The following ANKRD17 variants were observed in gnomAD, a reference collection of about 807,000 sequenced individuals.
ANKRD17 encodes the protein ankyrin repeat domain-containing protein 17.
A neutral mutation model predicts 229.7 loss-of-function variants in ANKRD17; 19 were observed. The observed-to-expected ratio is 0.08, with a 90% CI of 0.06 to 0.12. The LOEUF (loss-of-function observed/expected upper bound fraction) is 0.12, where lower values mean the gene tolerates loss of function less well. Among genes scored for constraint, ANKRD17 ranks in the 10% least tolerant of loss-of-function variants. The pLI, the probability that ANKRD17 is intolerant of heterozygous loss-of-function variation, is 1.00. For synonymous variants in ANKRD17, 1,112 were observed against 1,146.1 expected, an observed-to-expected ratio of 0.97 and a Z score of 0.60; for missense variants, 2,176 against 3,176.8, an observed-to-expected ratio of 0.68 and a Z score of 7.57.
At chr4:73,241,312 T>C (rs907752864) in intron 1 of ANKRD17, among the ~76,000 whole-genome samples, 1 of 151,942 alleles carries the variant, frequency 6.6e-6, no homozygotes, top group African/African-American at 2.4e-5. Flanking sequence ...AATAAATGAA[T>C]AAAATGTAAA....
intron 1 of ANKRD17, among the ~76,000 whole-genome samples, chr4:73,229,556 CA>C (rs955060799): frequency 6.7e-6 from 1 of 149,324 alleles, no homozygotes; most frequent in East Asian, 2.0e-4. Flanking sequence ...AAATCCTTAT[CA>C]AAAAAAACAC....
At position 73,113,772 on chromosome 4, in the gene ANKRD17, T is replaced by C. The variant is rs1263293070; in HGVS notation, c.4401+20A>G. ...GATGGAAAAAAGTGGGTAGTTTTCA[T>C]GTGTAAAGATTATTGTTACCTTTTC... On this transcript the variant is annotated intron_variant, in intron 24 of 33. Transcript: ENST00000358602. 26 of 1,560,158 alleles carry C rather than the reference T, an allele frequency of 1.7e-5. No individual in the cohort carries two copies. The highest frequency in any genetic ancestry group is 2.2e-5 in the Non-Finnish European group (25 of 1,132,522).
chr4:73,163,477 A>G (rs1385421457), intron 2 of ANKRD17, among the ~76,000 whole-genome samples: 1 of 152,266 alleles, frequency 6.6e-6, no homozygotes, highest in Admixed American at 6.5e-5. Flanking sequence ...TGCACATTAA[A>G]GAAAGGCTAT....
At position 73,094,155 on chromosome 4, in the gene ANKRD17, T is replaced by C; in HGVS notation, c.5251A>G (p.Ile1751Val). 2 of 1,613,494 alleles carry C rather than the reference T, an allele frequency of 1.2e-6. No individual in the cohort carries two copies. The highest frequency in any genetic ancestry group is 1.7e-6 in the Non-Finnish European group (2 of 1,179,528). Residue 1751 changes from isoleucine (I) to valine (V), a missense_variant, in exon 28 of 34, where the codon ATT becomes GTT. Ile to Val is a conservative substitution (Grantham distance 29, BLOSUM62 3). Around this residue, in one of 18 missense-constraint regions of ANKRD17, gnomAD observed 27 missense variants for 89.2 expected, o/e 0.30. Coordinates refer to ENST00000358602, the MANE Select transcript of ANKRD17 (RefSeq NM_032217.5). Reference protein sequence around the residue: ...IGRGGCNINAIREFTGAHIDI... With the variant: ...IGRGGCNINAVREFTGAHIDI... ...ATGTGTGCACCAGTAAACTCCCGAA[T>C]AGCATTGATATTACAGCCTCCTCTT... is the stretch of plus-strand genomic sequence containing the variant.
chr4:73,095,882 G>C (rs746853619), intron 27 of ANKRD17, among the ~76,000 whole-genome samples: 1 of 151,940 alleles, frequency 6.6e-6, no homozygotes, highest in African/African-American at 2.4e-5. Flanking sequence ...CAGAGATGGG[G>C]TCTTGCTATG....
chr4:73,094,158 C>A lies in ANKRD17; in HGVS notation c.5248G>T (p.Ala1750Ser). ...TGTGCACCAGTAAACTCCCGAATAG[C>A]ATTGATATTACAGCCTCCTCTTCCA... is the stretch of plus-strand genomic sequence containing the variant. ...VIGRGGCNIN[A>S]IREFTGAHID... Residue 1750 changes from alanine to serine, a missense_variant, in exon 28 of 34, where the codon GCT becomes TCT. By Grantham distance (99) the Ala-to-Ser change is moderately conservative. Around this residue, in one of 18 missense-constraint regions of ANKRD17, gnomAD observed 27 missense variants for 89.2 expected, o/e 0.30. Coordinates refer to ENST00000358602, the MANE Select transcript of ANKRD17 (RefSeq NM_032217.5). 1 of 1,613,588 alleles carries A rather than the reference C, an allele frequency of 6.2e-7. No homozygotes were observed. The highest frequency in any genetic ancestry group is 8.5e-7 in the Non-Finnish European group (1 of 1,179,632).
intron 1 of ANKRD17, among the ~76,000 whole-genome samples, chr4:73,199,784 T>A (rs1738404294): frequency 6.6e-6 from 1 of 152,200 alleles, no homozygotes; most frequent in Non-Finnish European, 1.5e-5. Flanking sequence ...TGTCTTTTTG[T>A]TGTAGTTTGA....
chr4:73,223,645 T>C (rs1560754822), intron 1 of ANKRD17, among the ~76,000 whole-genome samples: 1 of 152,250 alleles, frequency 6.6e-6, no homozygotes, highest in East Asian at 1.9e-4. Context: ...AACATTCAAC[T>C]AATTTACAGT....
chr4:73,115,835 T>C lies in ANKRD17; in HGVS notation c.4270A>G (p.Thr1424Ala), dbSNP rs1725876107. The C allele has an allele frequency of 6.2e-7, 1 of 1,612,456 alleles. No homozygotes were observed. Among genetic ancestry groups the C allele is most frequent in the Admixed American group, 1.7e-5 (1 of 59,998 alleles). ...SDSECMRYIA[T>A]ITDKEMLKKC... ...CAACATATTACCTTATCAGTGATGG[T>C]TGCTATGTATCTCATACATTCAGAA... is the stretch of plus-strand genomic sequence containing the variant. The change falls in exon 23 of 34, where the codon ACC becomes GCC. Residue 1424 changes from threonine to alanine, a missense_variant. This residue lies in a region of ANKRD17 where 178 missense variants were observed against 421.7 expected (regional missense o/e 0.42). Coordinates refer to ENST00000358602, the MANE Select transcript of ANKRD17 (RefSeq NM_032217.5).
At position 73,142,763 on chromosome 4, in the gene ANKRD17, C is replaced by A; in HGVS notation, c.1962G>T (p.Ala654=). The A allele has an allele frequency of 1.9e-6, 3 of 1,607,498 alleles. No homozygotes were observed. Among genetic ancestry groups the A allele is most frequent in the South Asian group, 2.2e-5 (2 of 89,744 alleles). Residue 654 remains alanine, a synonymous_variant, in exon 12 of 34, where the codon GCG becomes GCT. Transcript: ENST00000358602. ...CTVQFLISKG[A]NVNRTTANND... ...TATTAGCTGTGGTTCTATTCACATT[C>A]GCTCCTAAAACAGAAAAGGCATGGA...
intron 1 of ANKRD17, among the ~76,000 whole-genome samples, chr4:73,179,996 T>G (rs1735330887): frequency 6.6e-6 from 1 of 152,156 alleles, no homozygotes; most frequent in East Asian, 1.9e-4. Context: ...TATTAAAATA[T>G]TTACAATTAT....
intron 1 of ANKRD17, among the ~76,000 whole-genome samples, chr4:73,236,345 G>T (rs1160218848): frequency 6.6e-6 from 1 of 152,076 alleles, no homozygotes; most frequent in Non-Finnish European, 1.5e-5. Context: ...TGTAGAGATG[G>T]TTACTGCTAT....
Position 73,113,778 on chromosome 4 carries a change from A to C in ANKRD17, c.4401+14T>G. 1 of 1,591,858 alleles carries C rather than the reference A, an allele frequency of 6.3e-7. No homozygotes were observed. ...AAAAAGTGGGTAGTTTTCATGTGTA[A>C]AGATTATTGTTACCTTTTCCAAGTC... On this transcript the variant is annotated intron_variant, in intron 24 of 33. Transcript: ENST00000358602.
chr4:73,139,630 C>G lies in ANKRD17; in HGVS notation c.2986G>C (p.Ala996Pro), dbSNP rs1729361471. The change falls in exon 15 of 34, where the codon GCA becomes CCA. Residue 996 changes from alanine to proline, a missense_variant. By Grantham distance (27) the Ala-to-Pro change is conservative. This residue lies in a region of ANKRD17 where 230 missense variants were observed against 252.3 expected (regional missense o/e 0.91). Coordinates refer to ENST00000358602, the MANE Select transcript of ANKRD17 (RefSeq NM_032217.5). ...GQPVLGQAQL[A>P]GLGQGILTET... ...GTCAGAATTCCTTGCCCCAGCCCTGCCAACTGTGCTTGGCCCAGTACTGGC... is the reference window on the plus strand; with the variant it reads ...GTCAGAATTCCTTGCCCCAGCCCTGGCAACTGTGCTTGGCCCAGTACTGGC... The G allele has an allele frequency of 6.8e-6, 11 of 1,614,000 alleles. No individual in the cohort carries two copies. Among genetic ancestry groups the G allele is most frequent in the Non-Finnish European group, 8.5e-6 (10 of 1,180,012 alleles).
chr4:73,248,212 C>A (rs561948654), intron 1 of ANKRD17, among the ~76,000 whole-genome samples: 1 of 151,842 alleles, frequency 6.6e-6, no homozygotes, highest in Non-Finnish European at 1.5e-5. Context: ...CTAGAAAAAT[C>A]GTACATACAG....
intron 29 of ANKRD17, 26 bp downstream of exon 29, chr4:73,090,641 C>A: frequency 6.2e-7 from 1 of 1,613,236 alleles, no homozygotes; most frequent in Non-Finnish European, 8.5e-7. Flanking sequence ...TGAACAGCTG[C>A]AGAATCTCAG....
At chr4:73,194,274 A>G (rs77102404) in intron 1 of ANKRD17, among the ~76,000 whole-genome samples, 2,105 of 152,308 alleles carry the variant, frequency 0.014, 42 homozygotes, top group African/African-American at 0.048. Flanking sequence ...TAATTTTTGC[A>G]CATAGTGCCA....
chr4:73,079,242 G>A (rs977060836), intron 30 of ANKRD17, among the ~76,000 whole-genome samples: 9 of 152,134 alleles, frequency 5.9e-5, no homozygotes, highest in African/African-American at 2.2e-4. Context: ...AAGAATCACT[G>A]CCTGTAGTGG....
chr4:73,129,616 T>C (rs541980008), intron 16 of ANKRD17, among the ~76,000 whole-genome samples: 1 of 151,990 alleles, frequency 6.6e-6, no homozygotes, highest in South Asian at 2.1e-4. Context: ...ACTCATGAGT[T>C]TGGGGCAGGA....
Sources: gnomAD v4.1 joint callset for allele counts (sites outside exome capture counted in the v4.1 genomes callset) on GRCh38, gnomAD v4.1.1 for gene constraint, gnomAD v4.1.1 regional missense constraint, MANE v1.5 for transcripts, NCBI Gene and HGNC (gene_info 2026-07-23, HGNC 2026-07-21) for gene names.